Variants in ACOXL observed in about 807,000 individuals in gnomAD.
ACOXL encodes the protein acyl-coenzyme A oxidase-like protein.
A neutral mutation model predicts 71.9 loss-of-function variants in ACOXL; 70 were observed. The ratio of observed to expected loss-of-function variants is 0.97; its 90% CI spans 0.80 to 1.19. ACOXL has a LOEUF of 1.19. Ranked by LOEUF, ACOXL falls within the 50% of genes most tolerant of loss-of-function variation. The pLI, the probability that ACOXL is intolerant of heterozygous loss-of-function variation, is 0.00. For missense variants in ACOXL, 703 were observed against 736.3 expected, an observed-to-expected ratio of 0.95 and a Z score of 0.52; for synonymous variants, 253 against 281.6, an observed-to-expected ratio of 0.90 and a Z score of 1.02.
At chr2:110,785,959 C>CAA (rs1254560645) in intron 3 of ACOXL, among the ~76,000 whole-genome samples, 2 of 152,206 alleles carry the variant, frequency 1.3e-5, no homozygotes, top group Non-Finnish European at 2.9e-5. Context: ...CATTTTTTTG[C>CAA]AAATGGTTAT....
chr2:111,052,634 C>A (rs1406975786), intron 16 of ACOXL, among the ~76,000 whole-genome samples: 1 of 152,184 alleles, frequency 6.6e-6, no homozygotes, highest in Non-Finnish European at 1.5e-5. Flanking sequence ...ATAAATTACT[C>A]ATTTGACCCT....
At chr2:110,782,381 G>A (rs1433264776) in intron 2 of ACOXL, among the ~76,000 whole-genome samples, 1 of 152,200 alleles carries the variant, frequency 6.6e-6, no homozygotes, top group Non-Finnish European at 1.5e-5. Context: ...GAATTTGTGT[G>A]TGAAGAAGAT....
At chr2:110,937,923 C>T (rs189573722) in intron 12 of ACOXL, among the ~76,000 whole-genome samples, 7 of 152,272 alleles carry the variant, frequency 4.6e-5, no homozygotes, top group Admixed American at 4.6e-4. Context: ...ATCAAATGCT[C>T]AACACATAGA....
In ACOXL at chr2:110,873,110, C is replaced by T. The variant is rs535792578; in HGVS notation, c.788+31705C>T. Among the ~76,000 whole-genome samples, 12 of 152,294 alleles carry T rather than the reference C, an allele frequency of 7.9e-5. No homozygotes were observed. In the South Asian group the frequency reaches 8.3e-4, roughly 11 times the overall value. On this transcript the variant is annotated intron_variant, in intron 10 of 17. Coordinates refer to ENST00000439055, the MANE Select transcript of ACOXL (RefSeq NM_001142807.4). ...TCCTCCGTCACACAAAAACCCCAGG[C>T]GGCCCTGTCCCTGAAGAGGGTGACA...
chr2:110,906,501 G>C (rs2059448774), intron 10 of ACOXL, among the ~76,000 whole-genome samples: 1 of 132,078 alleles, frequency 7.6e-6, no homozygotes, highest in Non-Finnish European at 1.5e-5. Flanking sequence ...TTGCGCCATT[G>C]CACTCCAGCC....
In ACOXL at chr2:110,784,782, C is replaced by T. The variant is rs1220593330; in HGVS notation, c.126C>T (p.Val42=). 6.2e-7 allele frequency: 1 copy of T among 1,609,354 alleles called. No homozygotes were observed. Among genetic ancestry groups the T allele is most frequent in the Admixed American group, 1.7e-5 (1 of 58,858 alleles). Residue 42 remains valine, a synonymous_variant, in exon 3 of 18, where the codon GTC becomes GTT. Coordinates refer to ENST00000439055, the MANE Select transcript of ACOXL (RefSeq NM_001142807.4). ...FVSRSLVIGE[V]LSMADMATGV... is the part of the protein sequence containing the mutation. The stretch of plus-strand genomic sequence containing the variant: ...GCCGAAGCCTTGTCATAGGAGAAGT[C>T]CTCTCCATGGCGGACATGGCCACAG...
chr2:111,031,546 A>G (rs2149749122), intron 14 of ACOXL, 81 bp from the exon 15 acceptor site: 1 of 1,295,390 alleles, frequency 7.7e-7, no homozygotes, highest in Non-Finnish European at 1.1e-6. Context: ...GAAAATTTGG[A>G]TGTTTGCCGT....
At chr2:110,960,708 T>A (rs1558791321) in intron 12 of ACOXL, among the ~76,000 whole-genome samples, 2 of 148,046 alleles carry the variant, frequency 1.4e-5, no homozygotes, top group Non-Finnish European at 3.0e-5. Flanking sequence ...TTTTTTTTTT[T>A]AACATTGCTT....
rs562917339 is a variant in ACOXL at position 110,975,955 on chromosome 2, A to G, written c.1060-11153A>G. Among the ~76,000 whole-genome samples, 6 of 152,342 alleles carry G rather than the reference A, an allele frequency of 3.9e-5. No individual in the cohort carries two copies. In the East Asian group the frequency reaches 9.6e-4, roughly 24 times the overall value. ...TTGATGGATAATCAGTCTAAAATCT[A>G]CAACATTTCCAAGAAAGGGATTGGA... On this transcript the variant is annotated intron_variant, in intron 12 of 17. Transcript: ENST00000439055.
intron 12 of ACOXL, among the ~76,000 whole-genome samples, chr2:110,962,664 C>T (rs1384349034): frequency 7.9e-5 from 12 of 152,218 alleles, no homozygotes; most frequent in Non-Finnish European, 5.9e-5. Flanking sequence ...AAGCAGGTCC[C>T]CCAGGCATGA....
intron 12 of ACOXL, among the ~76,000 whole-genome samples, chr2:110,963,067 A>G (rs931153671): frequency 4.6e-5 from 7 of 152,192 alleles, no homozygotes; most frequent in African/African-American, 1.7e-4. Context: ...CAATGCTGCC[A>G]TTTAAATAAG....
intron 6 of ACOXL, 70 bp from the exon 7 acceptor site, chr2:110,798,944 T>G: frequency 1.3e-6 from 2 of 1,483,138 alleles, no homozygotes; most frequent in Non-Finnish European, 1.9e-6. Flanking sequence ...ACAGAAATGT[T>G]ATACTATTCC....
At chr2:110,903,026 CCTT>C (rs1463932547) in intron 10 of ACOXL, among the ~76,000 whole-genome samples, 1 of 152,202 alleles carries the variant, frequency 6.6e-6, no homozygotes, top group African/African-American at 2.4e-5. Context: ...TTTTGTTCCT[CCTT>C]CTTCTGGTTG....
chr2:110,980,280 TG>T (rs1478342019), intron 12 of ACOXL, among the ~76,000 whole-genome samples: 1 of 152,232 alleles, frequency 6.6e-6, no homozygotes, highest in African/African-American at 2.4e-5. Context: ...GAATAAGCTA[TG>T]GGTTCTGCAT....
At chr2:111,076,789 T>A (rs2067622920) in intron 16 of ACOXL, among the ~76,000 whole-genome samples, 1 of 152,222 alleles carries the variant, frequency 6.6e-6, no homozygotes, top group African/African-American at 2.4e-5. Context: ...TGATCCAAAA[T>A]CAAGGTGTTG....
At chr2:110,907,297 C>A (rs2059489604) in intron 10 of ACOXL, among the ~76,000 whole-genome samples, 1 of 152,158 alleles carries the variant, frequency 6.6e-6, no homozygotes, top group Non-Finnish European at 1.5e-5. Context: ...ATCCTTACCA[C>A]CTAATTTAAT....
At chr2:110,855,779 A>C (rs1421001989) in intron 10 of ACOXL, among the ~76,000 whole-genome samples, 1 of 152,240 alleles carries the variant, frequency 6.6e-6, no homozygotes, top group Non-Finnish European at 1.5e-5. Context: ...TTCAAGAATG[A>C]AGCCGCGGAC....
At chr2:110,807,334 G>T (rs909737004) in intron 9 of ACOXL, among the ~76,000 whole-genome samples, 1 of 152,202 alleles carries the variant, frequency 6.6e-6, no homozygotes, top group South Asian at 2.1e-4. Flanking sequence ...GGCCCAGAGC[G>T]ATGCTCCATA....
At chr2:110,883,761 A>G (rs555368618) in intron 10 of ACOXL, among the ~76,000 whole-genome samples, 1 of 152,324 alleles carries the variant, frequency 6.6e-6, no homozygotes, top group South Asian at 2.1e-4. Context: ...TTGATTTTCA[A>G]TATTTATGAA....
Sources: gnomAD v4.1 joint callset for allele counts (sites outside exome capture counted in the v4.1 genomes callset) on GRCh38, gnomAD v4.1.1 for gene constraint, MANE v1.5 for transcripts, NCBI Gene and HGNC (gene_info 2026-07-23, HGNC 2026-07-21) for gene names.